PRKG1: variants seen among roughly 807,000 people sequenced by gnomAD.
PRKG1 encodes cGMP-dependent protein kinase 1.
In PRKG1, 35 loss-of-function variants were observed where a neutral mutation model predicts 88.1. The ratio of observed to expected loss-of-function variants is 0.40; its 90% confidence interval spans 0.30 to 0.53. PRKG1 has a LOEUF of 0.53. Among genes scored for constraint, PRKG1 ranks in the 20% least tolerant of loss-of-function variants. The probability of loss-of-function intolerance (pLI) is 0.59; values close to 1 mark genes in which losing one functional copy is unlikely to be tolerated. For missense variants in PRKG1, 540 were observed against 839.8 expected, an observed-to-expected ratio of 0.64 and a Z score of 4.41; for synonymous variants, 303 against 292.5, an observed-to-expected ratio of 1.04 and a Z score of -0.37.
rs566562816 is a variant in PRKG1, at chr10:52,122,297, G to A, written c.936-11543G>A. Among the ~76,000 whole-genome samples, 91 of 152,298 alleles carry A rather than the reference G, an allele frequency of 6.0e-4. 1 individual carries two copies. The highest frequency in any genetic ancestry group is 2.0e-3 in the African/African-American group (82 of 41,570). ...ACATTAATCCATTCATGAGGGCAAA[G>A]CCCTAATTGACCTAATTACCTCTTA... On this transcript the variant is annotated intron_variant, in intron 7 of 17. Transcript: ENST00000373980.
chr10:51,157,143 C>T (rs77565410), intron 2 of PRKG1, among the ~76,000 whole-genome samples: 151 of 151,994 alleles, frequency 9.9e-4, no homozygotes, highest in Non-Finnish European at 1.7e-3. Context: ...AGAGAATACT[C>T]ATATGGTAAG....
At chr10:51,973,372 A>G (rs1393530339) in intron 5 of PRKG1, among the ~76,000 whole-genome samples, 1 of 152,128 alleles carries the variant, frequency 6.6e-6, no homozygotes, top group East Asian at 1.9e-4. Flanking sequence ...TAAAAGTAGC[A>G]CCATCCTCCT....
chr10:51,861,752 CAA>C (rs1322973761), intron 4 of PRKG1, among the ~76,000 whole-genome samples: 2 of 152,184 alleles, frequency 1.3e-5, no homozygotes, highest in African/African-American at 4.8e-5. Context: ...AGTTTTTACT[CAA>C]TTATAAATTT....
chr10:52,252,531 G>A (rs1305450933), intron 10 of PRKG1: 2 of 152,112 alleles, frequency 1.3e-5, no homozygotes, highest in Non-Finnish European at 2.9e-5. Context: ...GGAACTCCCT[G>A]AGACTGTGTA....
chr10:51,208,375 A>G (rs7906944), intron 2 of PRKG1, among the ~76,000 whole-genome samples: 82,088 of 152,046 alleles, frequency 0.54, 22,195 homozygotes, highest in African/African-American at 0.6. Flanking sequence ...CTACTAAGGA[A>G]GTTCAGGTTC....
intron 1 of PRKG1, among the ~76,000 whole-genome samples, chr10:51,098,875 T>A (rs543262494): frequency 2.4e-4 from 36 of 152,298 alleles, no homozygotes; most frequent in African/African-American, 7.5e-4. Flanking sequence ...CCTGGGTAAC[T>A]GATGGTTTTT....
At chr10:51,096,537 TA>T (rs1844535331) in intron 1 of PRKG1, among the ~76,000 whole-genome samples, 2 of 152,100 alleles carry the variant, frequency 1.3e-5, no homozygotes, top group South Asian at 4.2e-4. Context: ...TTCTCATCTA[TA>T]AAATGGGAGG....
intron 4 of PRKG1, among the ~76,000 whole-genome samples, chr10:51,858,307 T>TA (rs1411569802): frequency 1.8e-4 from 3 of 16,282 alleles, no homozygotes; most frequent in Non-Finnish European, 3.7e-4. Context: ...GTATAATATA[T>TA]ATATGTATAA....
intron 3 of PRKG1, among the ~76,000 whole-genome samples, chr10:51,756,308 G>A (rs184275103): frequency 6.6e-6 from 1 of 152,144 alleles, no homozygotes; most frequent in Non-Finnish European, 1.5e-5. Flanking sequence ...GAAATATAGT[G>A]AGACCCCATC....
At chr10:51,137,620 A>C (rs1332673543) in intron 1 of PRKG1, among the ~76,000 whole-genome samples, 1 of 152,232 alleles carries the variant, frequency 6.6e-6, no homozygotes, top group African/African-American at 2.4e-5. Context: ...TTGAAAGAAA[A>C]GAGGTAGCCA....
chr10:51,598,695 A>G (rs1838521081), intron 3 of PRKG1, among the ~76,000 whole-genome samples: 1 of 152,246 alleles, frequency 6.6e-6, no homozygotes, highest in Non-Finnish European at 1.5e-5. Context: ...ATCTAAGTGG[A>G]GCATTAAATG....
intron 2 of PRKG1, among the ~76,000 whole-genome samples, chr10:51,321,571 T>C (rs1178594760): frequency 6.6e-6 from 1 of 152,010 alleles, no homozygotes; most frequent in Non-Finnish European, 1.5e-5. Flanking sequence ...TTAAAAGCAG[T>C]TGAACTCATG....
At chr10:51,533,096 A>T (rs988583237) in intron 3 of PRKG1, among the ~76,000 whole-genome samples, 2 of 152,188 alleles carry the variant, frequency 1.3e-5, no homozygotes, top group Admixed American at 6.5e-5. Context: ...CACAGAAATG[A>T]CTAATTTTCT....
chr10:52,074,719 G>T (rs1367636291), intron 7 of PRKG1, among the ~76,000 whole-genome samples: 4 of 151,878 alleles, frequency 2.6e-5, no homozygotes, highest in Non-Finnish European at 5.9e-5. Flanking sequence ...TCATACTTTG[G>T]ACAGGCAACA....
intron 5 of PRKG1, among the ~76,000 whole-genome samples, chr10:51,987,324 T>G (rs1844186716): frequency 6.6e-6 from 1 of 151,942 alleles, no homozygotes; most frequent in African/African-American, 2.4e-5. Flanking sequence ...GAGGGTTATG[T>G]GGTTCAAGAC....
chr10:52,118,322 C>T (rs2132605341), intron 7 of PRKG1, among the ~76,000 whole-genome samples: 1 of 152,038 alleles, frequency 6.6e-6, no homozygotes, highest in East Asian at 1.9e-4. Context: ...CTTGCAGAAA[C>T]TCTTTAGAAT....
chr10:51,839,604 A>G (rs1840217809), intron 4 of PRKG1, among the ~76,000 whole-genome samples: 1 of 152,242 alleles, frequency 6.6e-6, no homozygotes, highest in Admixed American at 6.5e-5. Context: ...AAAACCAGCC[A>G]GATAGCCATG....
intron 4 of PRKG1, among the ~76,000 whole-genome samples, chr10:51,906,000 A>T (rs865902447): frequency 1.3e-5 from 2 of 152,300 alleles, no homozygotes; most frequent in African/African-American, 4.8e-5. Flanking sequence ...TTACACTTGT[A>T]GTACGAGATT....
intron 2 of PRKG1, among the ~76,000 whole-genome samples, chr10:51,196,309 G>A (rs1837764224): frequency 6.6e-6 from 1 of 152,150 alleles, no homozygotes; most frequent in Non-Finnish European, 1.5e-5. Flanking sequence ...AGGCTTATAT[G>A]AATTAGATTT....
Sources: gnomAD v4.1 joint callset for allele counts (sites outside exome capture counted in the v4.1 genomes callset) on GRCh38, gnomAD v4.1.1 for gene constraint, MANE v1.5 for transcripts, NCBI Gene and HGNC (gene_info 2026-07-23, HGNC 2026-07-21) for gene names.